HBS1L: variants seen among roughly 807,000 people sequenced by gnomAD.
The protein encoded by HBS1L is HBS1 like translational GTPase.
HBS1L carries 55 observed loss-of-function variants against 88.9 expected under a neutral mutation model. The observed-to-expected ratio is 0.62, with a 90% confidence interval of 0.50 to 0.77. The LOEUF is 0.77. Among genes scored for constraint, HBS1L ranks in the 30% least tolerant of loss-of-function variants. The pLI is 0.00. For synonymous variants in HBS1L, 267 were observed against 288.5 expected (o/e 0.93, Z 0.76); for missense variants, 741 against 829.3 (o/e 0.89, Z 1.31).
At chr6:135,035,551 C>T (rs534296311) in intron 4 of HBS1L, among the ~76,000 whole-genome samples, 2 of 151,180 alleles carry the variant, frequency 1.3e-5, no homozygotes, top group African/African-American at 2.4e-5. Context: ...CCATCCTGGC[C>T]AACACGGTGA....
rs539183446 is a variant in HBS1L, at chr6:134,973,555, C to T, written c.1798-4217G>A. Among the ~76,000 whole-genome samples the T allele has an allele frequency of 3.3e-5, 5 of 152,270 alleles. No individual in the cohort carries two copies. In the South Asian group the frequency reaches 6.2e-4, roughly 19 times the overall value. On this transcript the variant is annotated intron_variant, in intron 15 of 17. Coordinates refer to ENST00000367837, the MANE Select transcript of HBS1L (RefSeq NM_006620.4). ...ACTGGCCAGGCGCAGTGGCTCAATGCCTATAATCCCAGCACTTTGGGAGGC... is the reference window on the plus strand; with the variant it reads ...ACTGGCCAGGCGCAGTGGCTCAATGTCTATAATCCCAGCACTTTGGGAGGC...
At position 135,004,124 on chromosome 6, in the gene HBS1L, G is replaced by T. The variant is rs894477328; in HGVS notation, c.431-1282C>A. ...ACAATATAAGAAAAGATAAGTTAAT[G>T]TATAAAATTCATTTAAAATGTTTGC... On this transcript the variant is annotated intron_variant, in intron 4 of 17. Coordinates refer to ENST00000367837, the MANE Select transcript of HBS1L (RefSeq NM_006620.4). Among the ~76,000 whole-genome samples, 3 of 152,164 alleles carry T rather than the reference G, an allele frequency of 2.0e-5. No individual in the cohort carries two copies. The East Asian group carries it at 5.8e-4, about 29-fold the overall frequency.
At chr6:134,997,703 A>G in intron 5 of HBS1L, 47 bp from the exon 6 acceptor site, 1 of 1,535,308 alleles carries the variant, frequency 6.5e-7, no homozygotes. Context: ...AACTCTATTG[A>G]TGTCCTACAA....
At chr6:135,014,360 T>G (rs1775857522) in intron 4 of HBS1L, among the ~76,000 whole-genome samples, 1 of 152,202 alleles carries the variant, frequency 6.6e-6, no homozygotes, top group Admixed American at 6.5e-5. Flanking sequence ...CTTCAGAGTT[T>G]TTCAGGTTAA....
At chr6:134,986,004 C>G in intron 11 of HBS1L, 62 bp downstream of exon 11, 1 of 763,424 alleles carries the variant, frequency 1.3e-6, no homozygotes. Flanking sequence ...CCATAAAGAA[C>G]TCTAAATAAT....
At chr6:134,982,146 TA>T (rs1321814338) in intron 13 of HBS1L, 4 of 187,998 alleles carry the variant, frequency 2.1e-5, no homozygotes, top group Non-Finnish European at 4.3e-5. Context: ...TACAGAATAT[TA>T]TTCCAAATAC....
chr6:135,000,803 C>T (rs183064189), intron 5 of HBS1L, among the ~76,000 whole-genome samples: 4 of 152,156 alleles, frequency 2.6e-5, no homozygotes, highest in East Asian at 1.9e-4. Context: ...TGCACCCAGC[C>T]GTATCCTTTT....
chr6:134,998,111 G>T (rs1775343238), intron 5 of HBS1L, among the ~76,000 whole-genome samples: 1 of 152,062 alleles, frequency 6.6e-6, no homozygotes, highest in African/African-American at 2.4e-5. Flanking sequence ...TACCCCGAGG[G>T]GAGATATCTC....
At chr6:135,021,533 T>C (rs76757780) in intron 4 of HBS1L, among the ~76,000 whole-genome samples, 2,112 of 152,190 alleles carry the variant, frequency 0.014, 67 homozygotes, top group African/African-American at 0.048. Context: ...CAATTCTCTA[T>C]ACATGAATGA....
intron 2 of HBS1L, among the ~76,000 whole-genome samples, chr6:135,043,541 C>A (rs1420634110): frequency 6.6e-6 from 1 of 152,176 alleles, no homozygotes; most frequent in Non-Finnish European, 1.5e-5. Context: ...CATAACCACT[C>A]TCTATTCATT....
intron 3 of HBS1L, among the ~76,000 whole-genome samples, chr6:135,040,344 CTTTTT>C (rs71006751): frequency 6.0e-4 from 66 of 110,060 alleles, no homozygotes; most frequent in Middle Eastern, 6.3e-3. Context: ...GATAGGCATT[CTTTTT>C]TTTTTTTTTT....
intron 8 of HBS1L, among the ~76,000 whole-genome samples, chr6:134,991,197 T>C (rs1328827809): frequency 1.3e-5 from 2 of 152,188 alleles, no homozygotes; most frequent in Non-Finnish European, 2.9e-5. Context: ...CCAACACCCA[T>C]GGATACCAAA....
Position 134,986,277 on chromosome 6 carries a change from C to A in HBS1L, c.1306-94G>T, listed in dbSNP as rs1774977013. 5 of 685,318 alleles carry A rather than the reference C, an allele frequency of 7.3e-6. No homozygotes were observed. In the East Asian group the frequency reaches 1.4e-4, roughly 19 times the overall value. 42.5% of individuals were successfully genotyped at this position (685,318 alleles called of 1,614,324 possible). A position where few individuals can be genotyped will look rare whatever the true frequency, so the allele number is the denominator to read the frequency against. On this transcript the variant is annotated intron_variant, in intron 10 of 17. Transcript: ENST00000367837. ...CATAACTGCACCAAGTTTGCAAAAG[C>A]AACAATGTACTTTTTAAAACATAAT...
chr6:135,041,573 T>C (rs1011317910), intron 3 of HBS1L, among the ~76,000 whole-genome samples: 4 of 152,168 alleles, frequency 2.6e-5, no homozygotes, highest in Non-Finnish European at 2.9e-5. Flanking sequence ...AGGACACTTA[T>C]ACAGTGTCAC....
chr6:135,053,651 C>T (rs911423673), intron 1 of HBS1L, among the ~76,000 whole-genome samples: 4 of 152,210 alleles, frequency 2.6e-5, no homozygotes, highest in African/African-American at 9.6e-5. Context: ...GCTGCCCTCA[C>T]TCTAGTTAAA....
chr6:134,989,624 A>G (rs933112468), intron 8 of HBS1L, among the ~76,000 whole-genome samples: 4 of 152,220 alleles, frequency 2.6e-5, no homozygotes, highest in African/African-American at 7.2e-5. Context: ...ACTTTCTTAC[A>G]ACAGAACATT....
intron 8 of HBS1L, 39 bp from the exon 9 acceptor site, chr6:134,987,830 C>G: frequency 6.6e-7 from 1 of 1,526,238 alleles, no homozygotes; most frequent in Middle Eastern, 1.7e-4. Flanking sequence ...AATAATGTTT[C>G]AGCATTTTAA....
chr6:134,999,505 T>C (rs1393511722), intron 5 of HBS1L, among the ~76,000 whole-genome samples: 1 of 144,386 alleles, frequency 6.9e-6, no homozygotes, highest in Non-Finnish European at 1.5e-5. Flanking sequence ...TGGAGTGCAA[T>C]GGTGCGATCT....
intron 2 of HBS1L, among the ~76,000 whole-genome samples, chr6:135,046,126 C>T (rs1190471732): frequency 1.3e-5 from 2 of 152,194 alleles, no homozygotes; most frequent in South Asian, 2.1e-4. Flanking sequence ...AAACAAGCCT[C>T]ACTCAGAGGC....
Sources: gnomAD v4.1 joint callset for allele counts (sites outside exome capture counted in the v4.1 genomes callset) on GRCh38, gnomAD v4.1.1 for gene constraint, MANE v1.5 for transcripts, NCBI Gene and HGNC (gene_info 2026-07-23, HGNC 2026-07-21) for gene names.